The following BLTP1 variants were observed in gnomAD, a reference collection of about 807,000 sequenced individuals.
The protein encoded by BLTP1 is bridge-like lipid transfer protein family member 1.
the BLTP1 span, among the ~76,000 whole-genome samples, chr4:122,192,855 C>T: frequency 2.0e-5 from 3 of 152,148 alleles, no homozygotes; most frequent in African/African-American, 7.2e-5. Flanking sequence ...AAGTACTCTA[C>T]TAGTTTGCTA....
At chr4:122,207,514 C>CTTTTTTTTTTTTTTTTTTTTTTT in the BLTP1 span, 14 of 1,286,848 alleles carry the variant, frequency 1.1e-5, no homozygotes, top group Admixed American at 5.4e-5. Context: ...ACTTTTTCTT[C>CTTTTTTTTTTTTTTTTTTTTTTT]TTTTTTTTTT....
chr4:122,326,560 C>CT, the BLTP1 span, among the ~76,000 whole-genome samples: 5 of 151,326 alleles, frequency 3.3e-5, no homozygotes, highest in East Asian at 7.8e-4. Flanking sequence ...TGAGCTTGTT[C>CT]TTTTTTTATG....
chr4:122,292,442 A>G, the BLTP1 span: 2 of 835,974 alleles, frequency 2.4e-6, no homozygotes, highest in Non-Finnish European at 2.9e-6. Context: ...GTGCTAAGCA[A>G]TGTAAAAATC....
At chr4:122,262,148 T>TTGTGTGTGTGTGTGTGTGTGTG in the BLTP1 span, among the ~76,000 whole-genome samples, 2 of 133,426 alleles carry the variant, frequency 1.5e-5, no homozygotes, top group Non-Finnish European at 3.2e-5. Flanking sequence ...TACAGATCCT[T>TTGTGTGTGTGTGTGTGTGTGTG]TGTGTGTGTG....
At chr4:122,346,032 G>T in the BLTP1 span, 1 of 983,930 alleles carries the variant, frequency 1.0e-6, no homozygotes, top group African/African-American at 1.7e-5. Context: ...GACTTAGCGG[G>T]TATCGCTATG....
the BLTP1 span, among the ~76,000 whole-genome samples, chr4:122,338,919 T>C: frequency 6.6e-6 from 1 of 152,168 alleles, no homozygotes; most frequent in Non-Finnish European, 1.5e-5. Flanking sequence ...ATGCTTCTGT[T>C]TAAAAAGCTA....
the BLTP1 span, among the ~76,000 whole-genome samples, chr4:122,338,714 A>G: frequency 6.6e-6 from 1 of 152,136 alleles, no homozygotes; most frequent in Admixed American, 6.6e-5. Context: ...CCCTCTGTAT[A>G]TGCGGGTTTT....
the BLTP1 span, chr4:122,154,985 A>G: frequency 4.5e-6 from 4 of 894,658 alleles, no homozygotes; most frequent in East Asian, 1.2e-4. Flanking sequence ...ACAGAGAATA[A>G]TGGAAGACAT....
At chr4:122,168,069 G>A in the BLTP1 span, 1 of 191,156 alleles carries the variant, frequency 5.2e-6, no homozygotes, top group Non-Finnish European at 9.6e-6. Flanking sequence ...TTACTTTAGG[G>A]GCTTTTTAAA....
At chr4:122,303,778 A>T in the BLTP1 span, among the ~76,000 whole-genome samples, 2 of 152,180 alleles carry the variant, frequency 1.3e-5, no homozygotes, top group African/African-American at 4.8e-5. Context: ...CTTATGATAA[A>T]ACTTGAATGG....
chr4:122,242,155 T>C, the BLTP1 span, among the ~76,000 whole-genome samples: 1 of 152,170 alleles, frequency 6.6e-6, no homozygotes, highest in South Asian at 2.1e-4. Flanking sequence ...TTCAGTTTAT[T>C]AAAGAGATGT....
chr4:122,350,683 G>C, the BLTP1 span, among the ~76,000 whole-genome samples: 1 of 152,208 alleles, frequency 6.6e-6, no homozygotes, highest in South Asian at 2.1e-4. Context: ...TAGAAAGGGT[G>C]ATCATTTAGG....
the BLTP1 span, chr4:122,258,622 TAACTAGA>T: frequency 8.0e-6 from 12 of 1,491,826 alleles, no homozygotes; most frequent in African/African-American, 1.4e-4. Context: ...TGTCATTATA[TAACTAGA>T]AACATAGGGG....
chr4:122,294,492 G>A, the BLTP1 span, among the ~76,000 whole-genome samples: 1 of 152,196 alleles, frequency 6.6e-6, no homozygotes, highest in East Asian at 1.9e-4. Flanking sequence ...CTAGAGTCTG[G>A]AGGGGACCCC....
chr4:122,292,210 C>T, the BLTP1 span: 1 of 281,242 alleles, frequency 3.6e-6, no homozygotes, highest in Non-Finnish European at 5.4e-6. Context: ...ACCTTGTGAT[C>T]TGCGTGCCTT....
the BLTP1 span, chr4:122,169,699 A>T: frequency 1.0e-6 from 1 of 962,870 alleles, no homozygotes; most frequent in Non-Finnish European, 1.2e-6. Context: ...ATATACATAC[A>T]TATGTATATG....
chr4:122,347,710 G>A, the BLTP1 span: 1 of 1,613,798 alleles, frequency 6.2e-7, no homozygotes, highest in Non-Finnish European at 8.5e-7. Context: ...AGGGACAGTA[G>A]GACAGAGCCT....
the BLTP1 span, chr4:122,192,496 A>G: frequency 8.6e-6 from 6 of 694,114 alleles, no homozygotes; most frequent in Non-Finnish European, 1.4e-5. Flanking sequence ...AGAGGAAGAT[A>G]TCACTAAACA....
chr4:122,254,463 C>A, the BLTP1 span: 1 of 1,289,910 alleles, frequency 7.8e-7, no homozygotes. Flanking sequence ...ATTAAGGTTG[C>A]AACTTTTTCA....
Sources: allele counts gnomAD v4.1 joint callset (sites outside exome capture counted in the v4.1 genomes callset), GRCh38; gene constraint gnomAD v4.1.1; transcripts MANE v1.5; gene names NCBI Gene and HGNC (gene_info 2026-07-23, HGNC 2026-07-21).